LYG2: variants seen among roughly 807,000 people sequenced by gnomAD.
The protein encoded by LYG2 is lysozyme g-like protein 2.
Under a neutral mutation model 22.4 loss-of-function variants are expected in LYG2, and 25 were observed. The ratio of observed to expected loss-of-function variants is 1.12; its 90% CI spans 0.81 to 1.56. The LOEUF (loss-of-function observed/expected upper bound fraction) is 1.56. Ranked by LOEUF, LYG2 falls within the 40% of genes most tolerant of loss-of-function variation. The pLI, the probability that LYG2 is intolerant of heterozygous loss-of-function variation, is 0.00. For synonymous variants in LYG2, 88 were observed against 97.0 expected (o/e 0.91, Z 0.55); for missense variants, 266 against 269.5 (o/e 0.99, Z 0.09).
In LYG2 at chr2:99,246,694, CTGTT is replaced by C. The variant is rs2094016573; in HGVS notation, c.166_169del (p.Asn56ValfsTer2). 1 of 1,613,750 alleles carries C rather than the reference CTGTT, an allele frequency of 6.2e-7. No individual in the cohort carries two copies. Among genetic ancestry groups the C allele is most frequent in the African/African-American group, 1.3e-5 (1 of 74,922 alleles). On this transcript the variant is annotated frameshift_variant, in exon 4 of 7. Coordinates refer to ENST00000333017, the MANE Select transcript of LYG2 (RefSeq NM_175735.4). LOFTEE classifies it high-confidence loss of function. The stretch of plus-strand genomic sequence containing the variant: ...TTTTCACTTACCGCAGTTCATCACA[CTGTT>C]TGCATCACAAGTGGCCCCAGAGGTC...
chr2:99,249,580 C>T (rs192244205), intron 3 of LYG2, among the ~76,000 whole-genome samples: 12 of 151,748 alleles, frequency 7.9e-5, no homozygotes, highest in African/African-American at 1.9e-4. Flanking sequence ...CTGACCAACA[C>T]GGAGAAACCC....
chr2:99,247,487 G>A lies in LYG2; in HGVS notation c.44-667C>T, dbSNP rs531172082. ...GGGGGTACATGTGCAGGTTTGTTAC[G>A]TGGGCATATTGTGTGATGCTGAGGA... On this transcript the variant is annotated intron_variant, in intron 3 of 6. Transcript: ENST00000333017. 5.3e-5 allele frequency among the ~76,000 whole-genome samples: 8 copies of A among 150,472 alleles called. No homozygotes were observed. In the South Asian group the frequency reaches 1.5e-3, roughly 28 times the overall value.
chr2:99,243,650 C>T, intron 6 of LYG2: 2 of 631,830 alleles, frequency 3.2e-6, no homozygotes, highest in Non-Finnish European at 5.1e-6. Context: ...ATCCTCCTGG[C>T]TTAGCCTCCT....
intron 3 of LYG2, among the ~76,000 whole-genome samples, chr2:99,250,665 C>T (rs570636790): frequency 2.0e-4 from 31 of 152,322 alleles, no homozygotes; most frequent in East Asian, 5.8e-4. Flanking sequence ...TGAGCCACCA[C>T]GCCTGGCTGC....
At chr2:99,259,796 A>T (rs755597477), upstream of LYG2, among the ~76,000 whole-genome samples, 57 of 152,208 alleles carry the variant, frequency 3.7e-4, no homozygotes, top group Middle Eastern at 0.02. Flanking sequence ...TTTTAAAAAA[A>T]ATATTTATTT....
At chr2:99,248,518 G>A (rs1056854628) in intron 3 of LYG2, among the ~76,000 whole-genome samples, 1 of 149,688 alleles carries the variant, frequency 6.7e-6, no homozygotes, top group Non-Finnish European at 1.5e-5. Context: ...TCACTCATAG[G>A]TGGGAATTGA....
At chr2:99,249,476 A>T (rs1394784608) in intron 3 of LYG2, among the ~76,000 whole-genome samples, 1 of 151,550 alleles carries the variant, frequency 6.6e-6, no homozygotes, top group Admixed American at 6.6e-5. Flanking sequence ...AAAAAAATAG[A>T]ATCTGGTTGG....
chr2:99,252,861 A>G (rs1021420360), intron 3 of LYG2, among the ~76,000 whole-genome samples: 1 of 152,030 alleles, frequency 6.6e-6, no homozygotes, highest in Non-Finnish European at 1.5e-5. Context: ...CCTGGGTAAC[A>G]CAGTGAAACC....
At chr2:99,251,625 C>T (rs1417292456) in intron 3 of LYG2, among the ~76,000 whole-genome samples, 2 of 151,994 alleles carry the variant, frequency 1.3e-5, no homozygotes, top group African/African-American at 4.8e-5. Flanking sequence ...CTAGTTCCTG[C>T]CACTGAAAAC....
At chr2:99,256,620 G>C (rs1477269306), upstream of LYG2, among the ~76,000 whole-genome samples, 2 of 152,202 alleles carry the variant, frequency 1.3e-5, no homozygotes, top group Non-Finnish European at 2.9e-5. Context: ...AGTAGGTGGA[G>C]GCTGGGGCTC....
rs116810867 is a variant in LYG2 at position 99,243,930 on chromosome 2, C to T, written c.520+69G>A. 977 of 1,585,294 alleles carry T rather than the reference C, an allele frequency of 6.2e-4. 7 individuals carry two copies. The African/African-American group carries it at 0.012, about 19-fold the overall frequency. Reference sequence around the variant, plus strand: ...CCGTGGAAATGCTCCCAGGGAGTCTCGGGTCACACTGGCCTTCAGTGGTCT... The same window carrying T: ...CCGTGGAAATGCTCCCAGGGAGTCTTGGGTCACACTGGCCTTCAGTGGTCT... On this transcript the variant is annotated intron_variant, in intron 6 of 6. Transcript: ENST00000333017.
intron 6 of LYG2, chr2:99,243,577 C>T (rs894947601): frequency 7.6e-7 from 1 of 1,308,800 alleles, no homozygotes; most frequent in African/African-American, 1.5e-5. Context: ...ACTCTGTCTC[C>T]CAGGCTGGAG....
chr2:99,260,730 C>G, the LYG2 span, among the ~76,000 whole-genome samples: 2 of 152,070 alleles, frequency 1.3e-5, no homozygotes, highest in Admixed American at 1.3e-4. Context: ...ATGTTGAAGA[C>G]GCTAGTTCAA....
chr2:99,253,609 C>T (rs2094031046), intron 3 of LYG2, among the ~76,000 whole-genome samples: 1 of 152,058 alleles, frequency 6.6e-6, no homozygotes, highest in Non-Finnish European at 1.5e-5. Flanking sequence ...TCCAGCCTTC[C>T]CCCCAGAAAC....
chr2:99,244,082 G>A lies in LYG2; in HGVS notation c.437C>T (p.Ser146Leu). The change falls in exon 6 of 7, where the codon TCA becomes TTA. Residue 146 changes from serine (S) to leucine (L), a missense_variant. Ser to Leu is a moderately radical substitution (Grantham distance 145). Coordinates refer to ENST00000333017, the MANE Select transcript of LYG2 (RefSeq NM_175735.4). ...VGAWDSKEHL[S>L]QATGILTERI... ...CTCTGTTAGAATCCCAGTAGCCTGT[G>A]AAAGGTGCTCTTTGCTATCCCAGGC... 6.2e-7 allele frequency: 1 copy of A among 1,614,048 alleles called. No individual in the cohort carries two copies. Among genetic ancestry groups the A allele is most frequent in the Non-Finnish European group, 8.5e-7 (1 of 1,179,992 alleles).
chr2:99,244,978 GGC>G (rs2094013074), intron 5 of LYG2, among the ~76,000 whole-genome samples: 1 of 151,970 alleles, frequency 6.6e-6, no homozygotes, highest in Non-Finnish European at 1.5e-5. Flanking sequence ...TGGGCATGGT[GGC>G]GTGTGCCTGT....
intron 3 of LYG2, among the ~76,000 whole-genome samples, chr2:99,252,448 T>C (rs1402944168): frequency 6.6e-6 from 1 of 152,128 alleles, no homozygotes; most frequent in Non-Finnish European, 1.5e-5. Context: ...TTACTGTTCG[T>C]TCCTCTCACT....
intron 3 of LYG2, among the ~76,000 whole-genome samples, chr2:99,253,886 A>G (rs754459964): frequency 3.9e-5 from 6 of 152,002 alleles, no homozygotes; most frequent in Non-Finnish European, 7.4e-5. Flanking sequence ...CTTGGCATTG[A>G]TAATTGTCTC....
intron 3 of LYG2, among the ~76,000 whole-genome samples, chr2:99,252,711 C>T (rs1334672281): frequency 6.6e-6 from 1 of 152,072 alleles, no homozygotes; most frequent in Non-Finnish European, 1.5e-5. Context: ...GTGTGGCCCA[C>T]AGACCACAGG....
Sources: allele counts gnomAD v4.1 joint callset (sites outside exome capture counted in the v4.1 genomes callset), GRCh38; gene constraint gnomAD v4.1.1; transcripts MANE v1.5; gene names NCBI Gene and HGNC (gene_info 2026-07-23, HGNC 2026-07-21).